Variants in CBR4 observed in about 807,000 individuals in gnomAD.
CBR4 encodes the protein 3-oxoacyl-[acyl-carrier-protein] reductase.
CBR4 carries 22 observed loss-of-function variants against 21.0 expected under a neutral mutation model. The ratio of observed to expected loss-of-function variants is 1.05; its 90% CI spans 0.75 to 1.50. The LOEUF (loss-of-function observed/expected upper bound fraction) is 1.50. Among genes scored for constraint, CBR4 ranks in the 40% most tolerant of loss-of-function variants. CBR4 has a pLI of 0.00. For missense variants in CBR4, 302 were observed against 286.3 expected, an observed-to-expected ratio of 1.05 and a Z score of -0.40; for synonymous variants, 100 against 104.4, an observed-to-expected ratio of 0.96 and a Z score of 0.26.
At chr4:168,980,562 CCT>C (rs1764518127) in intron 2 of CBR4, among the ~76,000 whole-genome samples, 1 of 151,880 alleles carries the variant, frequency 6.6e-6, no homozygotes, top group East Asian at 1.9e-4. Context: ...ATGGTGAAAC[CCT>C]GTCTCTACTA....
intron 2 of CBR4, among the ~76,000 whole-genome samples, chr4:168,932,750 C>T (rs988381673): frequency 6.6e-6 from 1 of 151,708 alleles, no homozygotes; most frequent in Non-Finnish European, 1.5e-5. Context: ...ACCTTACAGG[C>T]CGGGAAAAAA....
At position 168,898,666 on chromosome 4, in the gene CBR4, A is replaced by G; in HGVS notation, n.170-3901T>C. 1 of 1,614,174 alleles carries G rather than the reference A, an allele frequency of 6.2e-7. No individual in the cohort carries two copies. Among genetic ancestry groups the G allele is most frequent in the East Asian group, 2.2e-5 (1 of 44,884 alleles). The stretch of plus-strand genomic sequence containing the variant: ...TGAAACATTACAAGATCTTTGAGGG[A>G]ATGCCAGTAACTTTCACATGTAGAG... On this transcript the variant is annotated intron_variant and non_coding_transcript_variant, in intron 2 of 3. Transcript: ENST00000509108.
Position 168,987,852 on chromosome 4 carries a change from T to C in CBR4, c.*2298A>G. The C allele has an allele frequency of 2.0e-6, 2 of 980,170 alleles. No homozygotes were observed. The highest frequency in any genetic ancestry group is 4.7e-5 in the South Asian group (1 of 21,188). The allele number at this position is 980,170 out of a possible 1,614,324, so 60.7% of individuals were successfully genotyped here. On this transcript the variant is annotated 3_prime_UTR_variant, in exon 5 of 5. Transcript: ENST00000306193. Reference sequence around the variant, plus strand: ...ATATAATTATCTCCCTAAAAAGCAGTTACAAACCATAAATTGAATATGAAT... The same window carrying C: ...ATATAATTATCTCCCTAAAAAGCAGCTACAAACCATAAATTGAATATGAAT...
chr4:168,980,058 T>C (rs1038703139), intron 2 of CBR4, among the ~76,000 whole-genome samples: 4 of 151,968 alleles, frequency 2.6e-5, no homozygotes, highest in African/African-American at 9.7e-5. Flanking sequence ...GCTATGTATA[T>C]CCCTGGGGTG....
chr4:168,956,904 T>C (rs1233738125), intron 2 of CBR4, among the ~76,000 whole-genome samples: 4 of 152,158 alleles, frequency 2.6e-5, no homozygotes, highest in South Asian at 2.1e-4. Flanking sequence ...TTCACATCTA[T>C]GAAAGGGCAC....
chr4:168,908,147 T>C (rs1758193790), intron 2 of CBR4, among the ~76,000 whole-genome samples: 1 of 152,236 alleles, frequency 6.6e-6, no homozygotes, highest in Non-Finnish European at 1.5e-5. Context: ...GCCTAGTTGA[T>C]TTTAATTCCA....
intron 2 of CBR4, among the ~76,000 whole-genome samples, chr4:168,966,997 G>A (rs1477140302): frequency 7.5e-6 from 1 of 132,894 alleles, no homozygotes; most frequent in Non-Finnish European, 1.6e-5. Context: ...CCTGGGCAAT[G>A]GAGCAAAACT....
intron 4 of CBR4, among the ~76,000 whole-genome samples, chr4:169,000,981 T>A (rs550929959): frequency 2.0e-5 from 3 of 152,160 alleles, no homozygotes; most frequent in African/African-American, 7.2e-5. Context: ...ATTTTTTTTT[T>A]AATTTTTATA....
chr4:168,973,771 C>T lies in CBR4; in HGVS notation n.169+28300G>A, dbSNP rs575954244. Reference sequence around the variant, plus strand: ...ATTTGTTTCTTCCTGGTTTAATCTACGAGGGTTGTATATTTCCAGGAATGT... The same window carrying T: ...ATTTGTTTCTTCCTGGTTTAATCTATGAGGGTTGTATATTTCCAGGAATGT... On this transcript the variant is annotated intron_variant and non_coding_transcript_variant, in intron 2 of 3. Transcript: ENST00000509108. Among the ~76,000 whole-genome samples, 6 of 152,280 alleles carry T rather than the reference C, an allele frequency of 3.9e-5. No homozygotes were observed. The East Asian group carries it at 1.2e-3, about 29-fold the overall frequency.
intron 4 of CBR4, among the ~76,000 whole-genome samples, chr4:168,997,017 C>G (rs1993550): frequency 1.3e-5 from 2 of 152,262 alleles, no homozygotes; most frequent in Admixed American, 1.3e-4. Flanking sequence ...CCGGTCTGTG[C>G]TCTCTCTCCT....
intron 2 of CBR4, among the ~76,000 whole-genome samples, chr4:168,943,234 AG>A (rs1047382460): frequency 1.3e-5 from 2 of 152,320 alleles, no homozygotes; most frequent in African/African-American, 4.8e-5. Context: ...CGCTGACAAA[AG>A]GGTACAGCAC....
chr4:168,908,299 C>A (rs1758229662), intron 2 of CBR4, among the ~76,000 whole-genome samples: 1 of 152,078 alleles, frequency 6.6e-6, no homozygotes, highest in Non-Finnish European at 1.5e-5. Flanking sequence ...GCATTTAAAC[C>A]ATGACCAGTG....
chr4:168,922,271 T>C (rs928091363), intron 2 of CBR4, among the ~76,000 whole-genome samples: 2 of 152,122 alleles, frequency 1.3e-5, no homozygotes, highest in African/African-American at 4.8e-5. Flanking sequence ...GTCTTATGCT[T>C]TGAGAAGCCT....
chr4:168,936,869 A>G (rs79205261), intron 2 of CBR4, among the ~76,000 whole-genome samples: 1 of 152,230 alleles, frequency 6.6e-6, no homozygotes, highest in Non-Finnish European at 1.5e-5. Context: ...TCTTCAGGAT[A>G]TTATCAAGGA....
chr4:168,899,040 A>T (rs186423548), intron 2 of CBR4, among the ~76,000 whole-genome samples: 11 of 152,258 alleles, frequency 7.2e-5, no homozygotes, highest in Admixed American at 6.5e-4. Flanking sequence ...TTCCAAGGTC[A>T]GAGAGCTGGT....
chr4:168,905,808 T>C (rs1757658703), intron 2 of CBR4, among the ~76,000 whole-genome samples: 1 of 147,698 alleles, frequency 6.8e-6, no homozygotes, highest in African/African-American at 2.5e-5. Context: ...TTTTTTTTTT[T>C]TTCTTTTTTG....
intron 2 of CBR4, among the ~76,000 whole-genome samples, chr4:168,946,919 C>T (rs190980810): frequency 4.1e-4 from 62 of 152,246 alleles, no homozygotes; most frequent in African/African-American, 1.3e-3. Context: ...ATCCCAACTA[C>T]GCACATGGAG....
intron 3 of CBR4, among the ~76,000 whole-genome samples, chr4:169,003,647 G>A (rs1730648413): frequency 6.6e-6 from 1 of 152,150 alleles, no homozygotes. Context: ...ACGAAATGAA[G>A]AGTCAATCAA....
At position 168,990,129 on chromosome 4, in the gene CBR4, T is replaced by C. The variant is rs1249149026; in HGVS notation, c.*21A>G. The C allele has an allele frequency of 6.3e-7, 1 of 1,584,398 alleles. No homozygotes were observed. Among genetic ancestry groups the C allele is most frequent in the Admixed American group, 1.8e-5 (1 of 56,166 alleles). On this transcript the variant is annotated 3_prime_UTR_variant, in exon 5 of 5. Transcript: ENST00000306193. ...GTGTGCCCTTGATGCTAATCACCCC[T>C]ATAACTGAATAATCTGCAAATTACA... is the stretch of plus-strand genomic sequence containing the variant.
Sources: gnomAD v4.1 joint callset for allele counts (sites outside exome capture counted in the v4.1 genomes callset) on GRCh38, gnomAD v4.1.1 for gene constraint, MANE v1.5 for transcripts, NCBI Gene and HGNC (gene_info 2026-07-23, HGNC 2026-07-21) for gene names.